Variants in MAP2K5 observed in about 807,000 individuals in gnomAD.
MAP2K5 encodes dual specificity mitogen-activated protein kinase kinase 5.
MAP2K5 carries 49 observed loss-of-function variants against 83.1 expected under a neutral mutation model. The ratio of observed to expected loss-of-function variants is 0.59; its 90% CI spans 0.47 to 0.75. The LOEUF (loss-of-function observed/expected upper bound fraction) is 0.75. Among genes scored for constraint, MAP2K5 ranks in the 30% least tolerant of loss-of-function variants. The pLI, the probability that MAP2K5 is intolerant of heterozygous loss-of-function variation, is 0.00. For synonymous variants in MAP2K5, 202 were observed against 191.8 expected (o/e 1.05, Z -0.44); for missense variants, 457 against 557.5 (o/e 0.82, Z 1.82).
intron 19 of MAP2K5, among the ~76,000 whole-genome samples, chr15:67,759,114 A>G (rs962304199): frequency 1.3e-5 from 2 of 152,158 alleles, no homozygotes; most frequent in African/African-American, 4.8e-5. Flanking sequence ...TGGCTCTTAA[A>G]TGTGTTATCT....
chr15:67,647,596 A>T (rs184358934), intron 11 of MAP2K5, among the ~76,000 whole-genome samples: 1 of 152,104 alleles, frequency 6.6e-6, no homozygotes, highest in East Asian at 1.9e-4. Context: ...AAAAATTTTT[A>T]AAAATATGGC....
chr15:67,623,314 G>A (rs560771792), intron 8 of MAP2K5, among the ~76,000 whole-genome samples: 1 of 152,266 alleles, frequency 6.6e-6, no homozygotes, highest in African/African-American at 2.4e-5. Flanking sequence ...GATAAACATG[G>A]TAAGAAATCT....
chr15:67,653,705 CT>C (rs1298119075), intron 11 of MAP2K5, among the ~76,000 whole-genome samples: 7 of 150,808 alleles, frequency 4.6e-5, no homozygotes, highest in Admixed American at 4.6e-4. Context: ...TTATTATTTT[CT>C]TTTTTTCTGC....
chr15:67,662,319 T>C (rs1313215876), intron 12 of MAP2K5, among the ~76,000 whole-genome samples: 5 of 152,204 alleles, frequency 3.3e-5, no homozygotes, highest in Non-Finnish European at 1.5e-5. Context: ...TCAACTAGAA[T>C]TCTTGCATAT....
chr15:67,604,917 G>A (rs1400722636), intron 8 of MAP2K5, among the ~76,000 whole-genome samples: 3 of 151,846 alleles, frequency 2.0e-5, no homozygotes, highest in East Asian at 1.9e-4. Context: ...GTTGTTGTGA[G>A]GTTAAATGAG....
rs1252622788 is a variant in MAP2K5 at position 67,573,526 on chromosome 15, C to T, written c.253-7228C>T. Among the ~76,000 whole-genome samples the T allele has an allele frequency of 2.6e-5, 4 of 152,076 alleles. No homozygotes were observed. The highest frequency in any genetic ancestry group is 9.7e-5 in the African/African-American group (4 of 41,406). On this transcript the variant is annotated intron_variant, in intron 3 of 21. Coordinates refer to ENST00000178640, the MANE Select transcript of MAP2K5 (RefSeq NM_145160.3). This position sits in a 1 kb window ranked among gnomAD's most constrained non-coding sequence, Gnocchi z 4.2. ...CCAGTCATCTCTCACAGGACCCCTC[C>T]TCCAATTAAACATGAGATTTGTGGG...
intron 13 of MAP2K5, among the ~76,000 whole-genome samples, chr15:67,689,415 G>A (rs1340260428): frequency 6.6e-6 from 1 of 152,144 alleles, no homozygotes; most frequent in Non-Finnish European, 1.5e-5. Flanking sequence ...AAAATATGGA[G>A]GAAAGGTTTC....
chr15:67,554,806 G>A (rs1448666215), intron 2 of MAP2K5, among the ~76,000 whole-genome samples: 1 of 152,196 alleles, frequency 6.6e-6, no homozygotes, highest in East Asian at 1.9e-4. Flanking sequence ...TGAGTGGAAC[G>A]TTATGTGTGT....
At chr15:67,709,219 G>A (rs1370661322) in intron 16 of MAP2K5, among the ~76,000 whole-genome samples, 1 of 152,116 alleles carries the variant, frequency 6.6e-6, no homozygotes, top group East Asian at 1.9e-4. Flanking sequence ...CTCTGTATTG[G>A]GGAAGAGAAC....
chr15:67,569,811 G>A lies in MAP2K5; in HGVS notation c.252+6461G>A, dbSNP rs1368911945. Reference sequence around the variant, plus strand: ...CCACCAACATTTTGTCATTTATATGGCTCTGCTCCCAGTTCAGTTCCATCT... The same window carrying A: ...CCACCAACATTTTGTCATTTATATGACTCTGCTCCCAGTTCAGTTCCATCT... On this transcript the variant is annotated intron_variant, in intron 3 of 21. Coordinates refer to ENST00000178640, the MANE Select transcript of MAP2K5 (RefSeq NM_145160.3). 1.4e-4 allele frequency among the ~76,000 whole-genome samples: 21 copies of A among 152,198 alleles called. 1 individual carries two copies. The highest frequency in any genetic ancestry group is 1.4e-3 in the Admixed American group (21 of 15,276).
chr15:67,738,769 G>T lies in MAP2K5; in HGVS notation c.1075-9462G>T, dbSNP rs1052495353. Reference sequence around the variant, plus strand: ...AATGCATCTAAGTAATACCTTATTTGAACTAGAGTTATTTCGTAAACAGAG... The same window carrying T: ...AATGCATCTAAGTAATACCTTATTTTAACTAGAGTTATTTCGTAAACAGAG... On this transcript the variant is annotated intron_variant, in intron 17 of 21. Transcript: ENST00000178640. This position sits in a 1 kb window ranked among gnomAD's most constrained non-coding sequence, Gnocchi z 4.1. Among the ~76,000 whole-genome samples the T allele has an allele frequency of 6.6e-6, 1 of 152,112 alleles. No individual in the cohort carries two copies. The highest frequency in any genetic ancestry group is 1.5e-5 in the Non-Finnish European group (1 of 68,020).
intron 16 of MAP2K5, among the ~76,000 whole-genome samples, chr15:67,714,178 T>G (rs1213969813): frequency 6.6e-6 from 1 of 152,154 alleles, no homozygotes; most frequent in Non-Finnish European, 1.5e-5. Flanking sequence ...TAAACACTTA[T>G]GTTTTTTGAA....
intron 8 of MAP2K5, among the ~76,000 whole-genome samples, chr15:67,620,417 T>C (rs962420561): frequency 2.0e-5 from 3 of 152,062 alleles, no homozygotes; most frequent in Non-Finnish European, 4.4e-5. Context: ...AGTATATACC[T>C]GTGAATTTAA....
intron 19 of MAP2K5, among the ~76,000 whole-genome samples, chr15:67,763,405 C>A (rs2089986436): frequency 6.6e-6 from 1 of 152,146 alleles, no homozygotes; most frequent in Non-Finnish European, 1.5e-5. Context: ...ACCAGGAGCA[C>A]CTATTCATCT....
At chr15:67,608,333 G>A (rs1246632981) in intron 8 of MAP2K5, among the ~76,000 whole-genome samples, 1 of 152,200 alleles carries the variant, frequency 6.6e-6, no homozygotes, top group Middle Eastern at 3.2e-3. Flanking sequence ...GAGGGATTGG[G>A]GAATTGTGTC....
At position 67,738,704 on chromosome 15, in the gene MAP2K5, C is replaced by T. The variant is rs1040285993; in HGVS notation, c.1075-9527C>T. Among the ~76,000 whole-genome samples the T allele has an allele frequency of 2.0e-5, 3 of 152,224 alleles. No homozygotes were observed. The highest frequency in any genetic ancestry group is 4.4e-5 in the Non-Finnish European group (3 of 68,046). On this transcript the variant is annotated intron_variant, in intron 17 of 21. Coordinates refer to ENST00000178640, the MANE Select transcript of MAP2K5 (RefSeq NM_145160.3). The surrounding 1 kb of genome is among the most constrained non-coding windows in gnomAD (Gnocchi z 4.1). ...ATCCACCCACATACACATGTACACA[C>T]AACCACACGAGCAGCTCTGCTTCTA...
intron 13 of MAP2K5, among the ~76,000 whole-genome samples, chr15:67,673,398 A>G (rs980615264): frequency 6.6e-6 from 1 of 152,192 alleles, no homozygotes; most frequent in Non-Finnish European, 1.5e-5. Flanking sequence ...AAGTGAAATC[A>G]GTATAAATTT....
rs183937968 is a variant in MAP2K5, at chr15:67,703,995, A to G, written c.1044+587A>G. 1.3e-3 allele frequency among the ~76,000 whole-genome samples: 196 copies of G among 152,290 alleles called. 2 individuals carry two copies. The highest frequency in any genetic ancestry group is 2.1e-3 in the Non-Finnish European group (142 of 68,028). ...AGGGAAGGGGGAAGAGGATGTATGT[A>G]TTTAGCACAATTGCAATATCAACTC... On this transcript the variant is annotated intron_variant, in intron 16 of 21. Coordinates refer to ENST00000178640, the MANE Select transcript of MAP2K5 (RefSeq NM_145160.3).
chr15:67,569,365 T>C (rs2084906692), intron 3 of MAP2K5, among the ~76,000 whole-genome samples: 1 of 152,176 alleles, frequency 6.6e-6, no homozygotes, highest in Admixed American at 6.5e-5. Context: ...TCAGAGAAGG[T>C]GGAGAAACGG....
Sources: gnomAD v4.1 joint callset for allele counts (sites outside exome capture counted in the v4.1 genomes callset) on GRCh38, gnomAD v4.1.1 for gene constraint, Gnocchi (gnomAD v3.1) non-coding constraint, MANE v1.5 for transcripts, NCBI Gene and HGNC (gene_info 2026-07-23, HGNC 2026-07-21) for gene names.